The following NFIB variants were observed in gnomAD, a reference collection of about 807,000 sequenced individuals.
NFIB encodes the protein nuclear factor 1 B-type.
Under a neutral mutation model 61.5 loss-of-function variants are expected in NFIB, and 11 were observed. That is an observed-to-expected ratio of 0.18 (90% CI 0.11 to 0.30). NFIB has a LOEUF of 0.30. Ranked by LOEUF, NFIB falls within the 10% of genes least tolerant of loss-of-function variation. The pLI is 1.00. For synonymous variants in NFIB, 260 were observed against 216.5 expected (o/e 1.20, Z -1.76); for missense variants, 471 against 608.9 (o/e 0.77, Z 2.38).
At chr9:14,452,515 G>GAAAGGAAAGGAAAGGAAAGGAAAGGA in the NFIB span, among the ~76,000 whole-genome samples, 1 of 116,552 alleles carries the variant, frequency 8.6e-6, no homozygotes. Flanking sequence ...AGGAAAGGAG[G>GAAAGGAAAGGAAAGGAAAGGAAAGGA]AAGGAAGTAG....
chr9:14,427,940 T>TTTTTTTTTTG, the NFIB span, among the ~76,000 whole-genome samples: 6 of 74,384 alleles, frequency 8.1e-5, no homozygotes, highest in Non-Finnish European at 4.9e-5. Context: ...TTCAGTTGTT[T>TTTTTTTTTTG]TTTTTTTTTT....
At chr9:14,304,350 G>A (rs2059910609) in intron 2 of NFIB, among the ~76,000 whole-genome samples, 1 of 152,254 alleles carries the variant, frequency 6.6e-6, no homozygotes, top group African/African-American at 2.4e-5. Context: ...TTCCAGAAGA[G>A]ATGCAGTGTG....
exon 1 of NFIB, chr9:14,398,564 C>G (rs1199929175): frequency 3.9e-6 from 6 of 1,534,688 alleles, no homozygotes; most frequent in Non-Finnish European, 5.2e-6. Context: ...TTTAGGAATC[C>G]CAGGGTTACA....
At chr9:14,490,356 G>A in the NFIB span, among the ~76,000 whole-genome samples, 1 of 152,040 alleles carries the variant, frequency 6.6e-6, no homozygotes, top group Admixed American at 6.6e-5. Flanking sequence ...CAAAACTATA[G>A]AAATTCTAGA....
At chr9:14,419,634 G>A in the NFIB span, among the ~76,000 whole-genome samples, 2 of 152,114 alleles carry the variant, frequency 1.3e-5, no homozygotes, top group Admixed American at 6.5e-5. Flanking sequence ...AACTTCCCCA[G>A]GACCGCTGTC....
intron 2 of NFIB, among the ~76,000 whole-genome samples, chr9:14,266,971 T>G (rs1392607624): frequency 1.3e-5 from 2 of 151,782 alleles, no homozygotes; most frequent in Admixed American, 1.3e-4. Context: ...CAGTAGAAAA[T>G]TCACAGAATC....
Position 14,295,313 on chromosome 9 carries a change from A to C in NFIB, c.562+11676T>G, listed in dbSNP as rs556878792. Among the ~76,000 whole-genome samples the C allele has an allele frequency of 1.4e-4, 22 of 152,330 alleles. No individual in the cohort carries two copies. The South Asian group carries it at 3.3e-3, about 23-fold the overall frequency. On this transcript the variant is annotated intron_variant, in intron 2 of 10. Coordinates refer to ENST00000380953, the MANE Select transcript of NFIB (RefSeq NM_001190737.2). ...GGACTTTAAAAAGAGTCTGAAAACC[A>C]GCAGCATGCTTTTTTAAGGACAATC...
At position 14,086,780 on chromosome 9, in the gene NFIB, G is replaced by GTTTTTTTTTT. The variant is rs770203746; in HGVS notation, c.*1519_*1528dup. ...TGATGTCACTTTGTTGTATTTTTTTGTTTTTTTTTTTTTGTTTTTTGTTTT... is the reference window on the plus strand; with the variant it reads ...TGATGTCACTTTGTTGTATTTTTTTGTTTTTTTTTTTTTTTTTTTTTTTGTTTTTTGTTTT... On this transcript the variant is annotated 3_prime_UTR_variant, in exon 11 of 11. Transcript: ENST00000380953. 6.4e-6 allele frequency: 1 copy of GTTTTTTTTTT among 157,472 alleles called. No homozygotes were observed. 9.8% of individuals were successfully genotyped at this position (157,472 alleles called of 1,614,324 possible). A position where few individuals can be genotyped will look rare whatever the true frequency, so the allele number is the denominator to read the frequency against.
chr9:14,262,834 C>G (rs915317485), intron 2 of NFIB, among the ~76,000 whole-genome samples: 11 of 152,252 alleles, frequency 7.2e-5, no homozygotes, highest in Non-Finnish European at 1.3e-4. Context: ...CCAGTTTCAA[C>G]ATGAAACTGG....
chr9:14,397,078 G>C (rs973371117), intron 1 of NFIB, among the ~76,000 whole-genome samples: 18 of 152,160 alleles, frequency 1.2e-4, no homozygotes, highest in African/African-American at 2.9e-4. Context: ...TATAATAAAT[G>C]ATTTATGTCC....
chr9:14,204,947 C>A, intron 2 of NFIB: 1 of 340,438 alleles, frequency 2.9e-6, no homozygotes, highest in South Asian at 3.4e-5. Context: ...TGAGATCCGT[C>A]ATCACTGGGG....
chr9:14,375,030 G>A (rs752689447), intron 1 of NFIB, among the ~76,000 whole-genome samples: 6 of 152,232 alleles, frequency 3.9e-5, no homozygotes, highest in Non-Finnish European at 5.9e-5. Context: ...TTTATTACAT[G>A]CTATGCTTCC....
the NFIB span, among the ~76,000 whole-genome samples, chr9:14,497,896 G>A: frequency 6.6e-6 from 1 of 152,198 alleles, no homozygotes; most frequent in Non-Finnish European, 1.5e-5. Flanking sequence ...GCCTCAAGAT[G>A]AAGTAACATG....
the NFIB span, among the ~76,000 whole-genome samples, chr9:14,485,590 C>T: frequency 6.6e-6 from 1 of 152,224 alleles, no homozygotes; most frequent in African/African-American, 2.4e-5. Flanking sequence ...CAACACAGTC[C>T]CTGCCTGGGC....
intron 1 of NFIB, among the ~76,000 whole-genome samples, chr9:14,381,182 T>C (rs760200095): frequency 6.6e-6 from 1 of 150,390 alleles, no homozygotes; most frequent in Non-Finnish European, 1.5e-5. Flanking sequence ...CATTTTCTTG[T>C]GTTTCTTTCT....
intron 1 of NFIB, among the ~76,000 whole-genome samples, chr9:14,381,478 A>G (rs2061488893): frequency 1.3e-5 from 2 of 152,228 alleles, no homozygotes; most frequent in South Asian, 2.1e-4. Flanking sequence ...GGTGTGAGCC[A>G]CCACACTTGC....
chr9:14,088,488 CAT>C (rs1160164557), intron 10 of NFIB, among the ~76,000 whole-genome samples, 162 bp from the exon 11 acceptor site: 6 of 152,074 alleles, frequency 3.9e-5, no homozygotes, highest in African/African-American at 1.2e-4. Flanking sequence ...CCAAATTATA[CAT>C]GTTACACCTA....
intron 5 of NFIB, among the ~76,000 whole-genome samples, chr9:14,149,665 C>A (rs1433748679): frequency 6.6e-6 from 1 of 152,118 alleles, no homozygotes; most frequent in Non-Finnish European, 1.5e-5. Flanking sequence ...AGTCAAAAAA[C>A]ATCAACTAAT....
At chr9:14,213,707 A>G (rs1172236764) in intron 2 of NFIB, among the ~76,000 whole-genome samples, 2 of 152,192 alleles carry the variant, frequency 1.3e-5, no homozygotes, top group East Asian at 1.9e-4. Context: ...TGCTAAATGA[A>G]TAACAGTATG....
Sources: allele counts gnomAD v4.1 joint callset (sites outside exome capture counted in the v4.1 genomes callset), GRCh38; gene constraint gnomAD v4.1.1; transcripts MANE v1.5; gene names NCBI Gene and HGNC (gene_info 2026-07-23, HGNC 2026-07-21).